Variants in KIF16B observed in about 807,000 individuals in gnomAD.
KIF16B encodes the protein kinesin-like protein KIF16B.
In KIF16B, 98 loss-of-function variants were observed where a neutral mutation model predicts 156.3. The ratio of observed to expected loss-of-function variants is 0.63; its 90% CI spans 0.53 to 0.74. The LOEUF (loss-of-function observed/expected upper bound fraction) is 0.74. Ranked by LOEUF, KIF16B falls within the 30% of genes least tolerant of loss-of-function variation. The probability of loss-of-function intolerance (pLI) is 0.00; values close to 1 mark genes in which losing one functional copy is unlikely to be tolerated. For synonymous variants in KIF16B, 564 were observed against 583.7 expected, an observed-to-expected ratio of 0.97 and a Z score of 0.49; for missense variants, 1,421 against 1,606.5, an observed-to-expected ratio of 0.88 and a Z score of 1.97.
intron 15 of KIF16B, among the ~76,000 whole-genome samples, chr20:16,410,018 C>CATATATATATATGTAGGTACAT (rs532290716): frequency 1.8e-5 from 1 of 55,238 alleles, no homozygotes; most frequent in African/African-American, 8.2e-5. Flanking sequence ...TATGTAGGTA[C>CATATATATATATGTAGGTACAT]ATATATATAT....
intron 17 of KIF16B, among the ~76,000 whole-genome samples, chr20:16,397,296 C>T (rs1011160970): frequency 1.3e-5 from 2 of 152,240 alleles, no homozygotes; most frequent in African/African-American, 4.8e-5. Flanking sequence ...CACCAGGCTT[C>T]TCTGCCTAAT....
intron 12 of KIF16B, among the ~76,000 whole-genome samples, chr20:16,469,254 T>TAAAA (rs57114751): frequency 7.6e-5 from 5 of 66,078 alleles, no homozygotes; most frequent in Non-Finnish European, 1.5e-4. Context: ...CCCTGTGTCT[T>TAAAA]AAAAAAAAAA....
intron 1 of KIF16B, among the ~76,000 whole-genome samples, chr20:16,571,429 C>A (rs1401858087): frequency 6.6e-6 from 1 of 152,136 alleles, no homozygotes; most frequent in Non-Finnish European, 1.5e-5. Context: ...TTATTTCCTG[C>A]CATCCCTCCA....
intron 10 of KIF16B, among the ~76,000 whole-genome samples, chr20:16,497,896 A>C (rs1186509279): frequency 6.6e-6 from 1 of 152,190 alleles, no homozygotes; most frequent in African/African-American, 2.4e-5. Context: ...GTAAACCTAC[A>C]TTTGCAATAC....
chr20:16,414,290 C>T (rs1018381609), intron 15 of KIF16B, among the ~76,000 whole-genome samples: 1 of 151,998 alleles, frequency 6.6e-6, no homozygotes, highest in Non-Finnish European at 1.5e-5. Context: ...GGACATATGG[C>T]TTGGTGTTAA....
intron 1 of KIF16B, among the ~76,000 whole-genome samples, chr20:16,549,169 T>G (rs1349919645): frequency 6.7e-6 from 1 of 149,858 alleles, no homozygotes; most frequent in Non-Finnish European, 1.5e-5. Context: ...TAGGTATATC[T>G]CCCAATGCCA....
At chr20:16,514,548 G>C (rs1160427997) in intron 4 of KIF16B, among the ~76,000 whole-genome samples, 9 of 142,690 alleles carry the variant, frequency 6.3e-5, no homozygotes, top group Admixed American at 3.6e-4. Flanking sequence ...CACAGGTTTG[G>C]CAGGCAATGA....
intron 12 of KIF16B, among the ~76,000 whole-genome samples, chr20:16,478,931 A>T (rs2067897277): frequency 6.6e-6 from 1 of 152,220 alleles, no homozygotes. Flanking sequence ...CTACTCAATA[A>T]CCCAGCAATT....
intron 10 of KIF16B, among the ~76,000 whole-genome samples, chr20:16,498,255 A>G (rs6034506): frequency 0.23 from 34,398 of 152,020 alleles, 4,468 homozygotes; most frequent in East Asian, 0.35. Flanking sequence ...GACAGAGACA[A>G]GAGAGGGAAA....
At chr20:16,365,937 G>A (rs1169110242) in intron 22 of KIF16B, among the ~76,000 whole-genome samples, 1 of 152,180 alleles carries the variant, frequency 6.6e-6, no homozygotes, top group Non-Finnish European at 1.5e-5. Flanking sequence ...CAAGACAGAA[G>A]CACGTCTCCT....
At chr20:16,480,365 G>A (rs2067945880) in intron 12 of KIF16B, among the ~76,000 whole-genome samples, 1 of 152,108 alleles carries the variant, frequency 6.6e-6, no homozygotes, top group Admixed American at 6.5e-5. Context: ...ATCCTCAAGA[G>A]TTCACCTAGA....
At chr20:16,465,040 T>C (rs1170780521) in intron 12 of KIF16B, among the ~76,000 whole-genome samples, 3 of 152,218 alleles carry the variant, frequency 2.0e-5, no homozygotes, top group African/African-American at 7.2e-5. Flanking sequence ...AACTGTCAGA[T>C]GCTTCATGCA....
intron 1 of KIF16B, among the ~76,000 whole-genome samples, chr20:16,531,091 G>A (rs1438104056): frequency 6.6e-6 from 1 of 152,070 alleles, no homozygotes; most frequent in Non-Finnish European, 1.5e-5. Context: ...AAGGACTCAG[G>A]AACCAACCTG....
chr20:16,470,208 G>T (rs189614083), intron 12 of KIF16B, among the ~76,000 whole-genome samples: 2 of 152,286 alleles, frequency 1.3e-5, no homozygotes, highest in African/African-American at 4.8e-5. Flanking sequence ...CAGTCAGAGC[G>T]CAAGGTGTTT....
intron 25 of KIF16B, among the ~76,000 whole-genome samples, chr20:16,310,898 C>T (rs1455026094): frequency 6.6e-6 from 1 of 152,164 alleles, no homozygotes; most frequent in Non-Finnish European, 1.5e-5. Context: ...GTTCTATATT[C>T]AATATCTCAA....
intron 12 of KIF16B, among the ~76,000 whole-genome samples, chr20:16,430,931 A>T (rs959628797): frequency 1.2e-4 from 15 of 123,700 alleles, no homozygotes; most frequent in African/African-American, 6.3e-4. Context: ...TTAACACATT[A>T]AAAAAAACAA....
At chr20:16,329,487 G>C (rs757399113) in intron 24 of KIF16B, among the ~76,000 whole-genome samples, 1 of 152,132 alleles carries the variant, frequency 6.6e-6, no homozygotes, top group Admixed American at 6.5e-5. Context: ...GAAATTATTC[G>C]CATGATAAAA....
intron 15 of KIF16B, among the ~76,000 whole-genome samples, chr20:16,421,389 C>T (rs2066222777): frequency 6.6e-6 from 1 of 152,140 alleles, no homozygotes; most frequent in South Asian, 2.1e-4. Flanking sequence ...ATAACCCCCT[C>T]CTTCTTCTCC....
At chr20:16,337,805 A>G (rs2064068154) in intron 23 of KIF16B, among the ~76,000 whole-genome samples, 1 of 152,182 alleles carries the variant, frequency 6.6e-6, no homozygotes, top group African/African-American at 2.4e-5. Context: ...GCTGGACACA[A>G]ACCAGGTGGC....
Sources: gnomAD v4.1 joint callset for allele counts (sites outside exome capture counted in the v4.1 genomes callset) on GRCh38, gnomAD v4.1.1 for gene constraint, MANE v1.5 for transcripts, NCBI Gene and HGNC (gene_info 2026-07-23, HGNC 2026-07-21) for gene names.